RELN: variants seen among roughly 807,000 people sequenced by gnomAD.
RELN encodes the protein reelin.
RELN carries 108 observed loss-of-function variants against 427.6 expected under a neutral mutation model. The observed-to-expected ratio is 0.25, with a 90% CI of 0.22 to 0.30. RELN has a LOEUF of 0.30. RELN is among the 10% of genes least tolerant of loss of function. The pLI is 1.00. For synonymous variants in RELN, 1,524 were observed against 1,513.4 expected, an observed-to-expected ratio of 1.01 and a Z score of -0.16; for missense variants, 3,715 against 4,302.8, an observed-to-expected ratio of 0.86 and a Z score of 3.82.
Position 103,773,160 on chromosome 7 carries a change from C to CTTTCTTTCTTTCT in RELN, c.544+3396_544+3397insAGAAAGAAAGAAA, listed in dbSNP as rs1352105311. 3.5e-4 allele frequency among the ~76,000 whole-genome samples: 46 copies of CTTTCTTTCTTTCT among 131,856 alleles called. 1 individual carries two copies. Among genetic ancestry groups the CTTTCTTTCTTTCT allele is most frequent in the African/African-American group, 1.2e-3 (40 of 33,210 alleles). 86.5% of individuals were successfully genotyped at this position (131,856 alleles called of 152,430 possible). On this transcript the variant is annotated intron_variant, in intron 4 of 64. Transcript: ENST00000428762. ...TCTTTCTTTCTTTCTTTCTTTCTTTCTTTCTTTTTCTTTCTTTCCTTCTTT... is the reference window on the plus strand; with the variant it reads ...TCTTTCTTTCTTTCTTTCTTTCTTTCTTTCTTTCTTTCTTTTCTTTTTCTTTCTTTCCTTCTTT...
intron 2 of RELN, among the ~76,000 whole-genome samples, chr7:103,873,992 A>G (rs1367773202): frequency 2.8e-5 from 4 of 144,272 alleles, no homozygotes; most frequent in Non-Finnish European, 4.6e-5. Flanking sequence ...GCAGCACATC[A>G]AAAAGCTTAT....
At chr7:103,825,477 A>T (rs1321448560) in intron 3 of RELN, among the ~76,000 whole-genome samples, 1 of 152,202 alleles carries the variant, frequency 6.6e-6, no homozygotes, top group Non-Finnish European at 1.5e-5. Flanking sequence ...CCAGCTGTTT[A>T]CATAAAATTG....
At chr7:103,895,288 T>C (rs945136554) in intron 2 of RELN, among the ~76,000 whole-genome samples, 2 of 151,926 alleles carry the variant, frequency 1.3e-5, no homozygotes, top group Non-Finnish European at 2.9e-5. Context: ...GGTTGTTGAC[T>C]TGTAACAGGA....
At position 103,791,173 on chromosome 7, in the gene RELN, C is replaced by T. The variant is rs569348290; in HGVS notation, c.474-14546G>A. ...CTTAGAAGGTGAACTCTTAAGATGG[C>T]AATACTACCTAAATGGATCTACAGA... On this transcript the variant is annotated intron_variant, in intron 3 of 64. Coordinates refer to ENST00000428762, the MANE Select transcript of RELN (RefSeq NM_005045.4). 4.2e-4 allele frequency among the ~76,000 whole-genome samples: 64 copies of T among 152,140 alleles called. No individual in the cohort carries two copies. In the South Asian group the frequency reaches 0.013, roughly 30 times the overall value.
chr7:103,502,018 C>T (rs972989417), intron 52 of RELN, among the ~76,000 whole-genome samples: 2 of 152,160 alleles, frequency 1.3e-5, no homozygotes, highest in Non-Finnish European at 2.9e-5. Flanking sequence ...CCGCCAGTGC[C>T]GTGGACAGCA....
At chr7:103,651,901 AATTT>A in intron 14 of RELN, 112 bp from the exon 15 acceptor site, 1 of 1,163,286 alleles carries the variant, frequency 8.6e-7, no homozygotes. Flanking sequence ...AACAGTGTAA[AATTT>A]TTTAAAGATG....
intron 38 of RELN, among the ~76,000 whole-genome samples, chr7:103,555,685 C>G (rs1258601311): frequency 6.6e-6 from 1 of 152,078 alleles, no homozygotes; most frequent in Non-Finnish European, 1.5e-5. Context: ...GTTGGCCAGG[C>G]TGGTCTTGAA....
chr7:103,875,468 C>G (rs1794456896), intron 2 of RELN, among the ~76,000 whole-genome samples: 1 of 152,072 alleles, frequency 6.6e-6, no homozygotes, highest in African/African-American at 2.4e-5. Context: ...TAACAAATTC[C>G]AAATTCCAAA....
intron 6 of RELN, among the ~76,000 whole-genome samples, chr7:103,736,244 A>G (rs774048235): frequency 6.6e-6 from 1 of 152,196 alleles, no homozygotes; most frequent in Non-Finnish European, 1.5e-5. Context: ...CATATTTTAC[A>G]ATATAGCTGT....
chr7:103,511,657 C>T (rs1000498520), intron 50 of RELN, among the ~76,000 whole-genome samples: 2 of 151,978 alleles, frequency 1.3e-5, no homozygotes, highest in South Asian at 2.1e-4. Flanking sequence ...GTGGGAGGAT[C>T]GCTTGAGGCC....
At chr7:103,489,294 G>C (rs773399844) in intron 60 of RELN, among the ~76,000 whole-genome samples, 39 of 151,902 alleles carry the variant, frequency 2.6e-4, no homozygotes, top group Admixed American at 5.9e-4. Context: ...GGAGAACAGT[G>C]GCAGCTGCTG....
At chr7:103,579,907 T>A (rs1264214320) in intron 28 of RELN, among the ~76,000 whole-genome samples, 4 of 152,172 alleles carry the variant, frequency 2.6e-5, no homozygotes. Flanking sequence ...TTTTTTCTAG[T>A]CCTGCACAGA....
intron 22 of RELN, among the ~76,000 whole-genome samples, chr7:103,605,431 T>C (rs1261950815): frequency 1.3e-5 from 2 of 152,186 alleles, no homozygotes; most frequent in Non-Finnish European, 2.9e-5. Context: ...CAGAAACACT[T>C]GGGCCCTTAA....
intron 1 of RELN, among the ~76,000 whole-genome samples, chr7:103,924,685 C>A (rs765233449): frequency 5.3e-5 from 8 of 152,114 alleles, no homozygotes; most frequent in Non-Finnish European, 1.2e-4. Context: ...TTCAGAGATT[C>A]AGATGAACCA....
intron 8 of RELN, among the ~76,000 whole-genome samples, chr7:103,705,359 A>C (rs1834177622): frequency 6.6e-6 from 1 of 152,148 alleles, no homozygotes; most frequent in African/African-American, 2.4e-5. Context: ...AACAAACAAA[A>C]AAACCTAAAA....
chr7:103,759,990 C>CTTTTTTTTTT (rs57019839), intron 4 of RELN, among the ~76,000 whole-genome samples: 4 of 64,912 alleles, frequency 6.2e-5, no homozygotes, highest in Non-Finnish European at 8.6e-5. Context: ...CACAGTCATA[C>CTTTTTTTTTT]TTTTTTTTTT....
chr7:103,765,446 G>A (rs1435018872), intron 4 of RELN, among the ~76,000 whole-genome samples: 2 of 151,922 alleles, frequency 1.3e-5, no homozygotes. Flanking sequence ...ATGCCCACTG[G>A]GGATACAGCA....
intron 2 of RELN, among the ~76,000 whole-genome samples, chr7:103,903,707 A>C (rs1489288756): frequency 6.6e-6 from 1 of 152,102 alleles, no homozygotes; most frequent in African/African-American, 2.4e-5. Flanking sequence ...ATTTATATAC[A>C]TATCAATTTT....
At chr7:103,916,858 AAG>A (rs1795492885) in intron 2 of RELN, among the ~76,000 whole-genome samples, 1 of 152,126 alleles carries the variant, frequency 6.6e-6, no homozygotes. Context: ...GAGAGAATGA[AAG>A]AAAGTTCATC....
Sources: gnomAD v4.1 joint callset for allele counts (sites outside exome capture counted in the v4.1 genomes callset) on GRCh38, gnomAD v4.1.1 for gene constraint, MANE v1.5 for transcripts, NCBI Gene and HGNC (gene_info 2026-07-23, HGNC 2026-07-21) for gene names.